The following ACER3 variants were observed in gnomAD, a reference collection of about 807,000 sequenced individuals.
ACER3 encodes the protein alkCDase 3.
ACER3 carries 16 observed loss-of-function variants against 48.9 expected under a neutral mutation model. The ratio of observed to expected loss-of-function variants is 0.33; its 90% CI spans 0.22 to 0.50. The LOEUF is 0.50. ACER3 is among the 20% of genes least tolerant of loss of function. ACER3 has a pLI of 0.98. For missense variants in ACER3, 227 were observed against 326.0 expected (o/e 0.70, Z 2.34); for synonymous variants, 109 against 107.8 (o/e 1.01, Z -0.07).
At chr11:76,894,812 GA>G (rs1331130601) in intron 1 of ACER3, among the ~76,000 whole-genome samples, 1 of 152,144 alleles carries the variant, frequency 6.6e-6, no homozygotes, top group Non-Finnish European at 1.5e-5. Flanking sequence ...TATAACAAAA[GA>G]AGGAAGAGGA....
chr11:76,921,295 T>G (rs534783247), intron 1 of ACER3, among the ~76,000 whole-genome samples: 51 of 152,316 alleles, frequency 3.3e-4, no homozygotes, highest in Admixed American at 7.8e-4. Context: ...ACCTCTGGAA[T>G]TTATTTTTAA....
chr11:77,006,484 T>C (rs1365931310), intron 7 of ACER3, among the ~76,000 whole-genome samples: 1 of 152,166 alleles, frequency 6.6e-6, no homozygotes, highest in Admixed American at 6.5e-5. Flanking sequence ...CCTTTCTGTT[T>C]AGAGAACTTC....
chr11:76,867,485 A>G (rs901431294), intron 1 of ACER3, among the ~76,000 whole-genome samples: 1 of 122,152 alleles, frequency 8.2e-6, no homozygotes, highest in East Asian at 2.5e-4. Context: ...AAAAAAAAAA[A>G]AAAAAAAAAA....
At chr11:77,012,158 G>A (rs1163809878) in intron 7 of ACER3, among the ~76,000 whole-genome samples, 1 of 152,108 alleles carries the variant, frequency 6.6e-6, no homozygotes, top group African/African-American at 2.4e-5. Flanking sequence ...GGTGGCTCAT[G>A]CATGAAATCC....
chr11:76,927,724 C>T (rs970958915), intron 2 of ACER3, among the ~76,000 whole-genome samples: 3 of 151,946 alleles, frequency 2.0e-5, no homozygotes, highest in African/African-American at 7.3e-5. Flanking sequence ...GTTTTTTGGC[C>T]TTGCGATAGT....
intron 1 of ACER3, among the ~76,000 whole-genome samples, chr11:76,915,080 C>CATG (rs1946488313): frequency 1.3e-5 from 2 of 151,968 alleles, no homozygotes; most frequent in African/African-American, 4.8e-5. Flanking sequence ...GGAGATATAC[C>CATG]TAATGTAAAT....
chr11:76,875,810 A>G (rs1192686155), intron 1 of ACER3, among the ~76,000 whole-genome samples: 1 of 128,138 alleles, frequency 7.8e-6, no homozygotes, highest in Admixed American at 1.1e-4. Context: ...ATCTCAGCTC[A>G]CTGCAACCTC....
rs1442416150 is a variant in ACER3 at position 77,017,650 on chromosome 11, C to G, written c.704+871C>G. On this transcript the variant is annotated intron_variant, in intron 9 of 10. Transcript: ENST00000532485. ...AACATTCATATGCAACCACAAAAGG[C>G]CACAGGTAGCCAGATCAATCTTGAA... is the stretch of plus-strand genomic sequence containing the variant. 2.0e-5 allele frequency among the ~76,000 whole-genome samples: 3 copies of G among 152,104 alleles called. No individual in the cohort carries two copies. The East Asian group carries it at 5.8e-4, about 29-fold the overall frequency.
chr11:76,994,972 G>A (rs1948883077), intron 6 of ACER3, among the ~76,000 whole-genome samples: 1 of 152,038 alleles, frequency 6.6e-6, no homozygotes, highest in African/African-American at 2.4e-5. Flanking sequence ...AGGGGCTGGA[G>A]GAAGGAAGTA....
At chr11:76,902,557 A>T (rs187016757) in intron 1 of ACER3, among the ~76,000 whole-genome samples, 6 of 152,314 alleles carry the variant, frequency 3.9e-5, no homozygotes, top group African/African-American at 1.4e-4. Flanking sequence ...AAAGTACAGT[A>T]CATATGAAGC....
intron 5 of ACER3, among the ~76,000 whole-genome samples, chr11:76,990,027 A>G (rs1410987459): frequency 6.6e-6 from 1 of 152,242 alleles, no homozygotes; most frequent in Non-Finnish European, 1.5e-5. Flanking sequence ...ACTGTATGCT[A>G]GACACTTTCA....
intron 2 of ACER3, among the ~76,000 whole-genome samples, chr11:76,956,670 A>G (rs1947849529): frequency 7.0e-6 from 1 of 142,708 alleles, no homozygotes; most frequent in Non-Finnish European, 1.5e-5. Context: ...AAGATGAACA[A>G]TCATCCCATC....
chr11:76,996,733 T>A (rs10899342), intron 6 of ACER3, among the ~76,000 whole-genome samples: 1 of 141,862 alleles, frequency 7.0e-6, no homozygotes, highest in Non-Finnish European at 1.5e-5. Flanking sequence ...TTTTTTTTTT[T>A]TTTTTTTTCT....
chr11:76,861,169 C>T (rs1944927976), intron 1 of ACER3, 90 bp downstream of exon 1: 2 of 1,295,120 alleles, frequency 1.5e-6, no homozygotes, highest in Admixed American at 4.4e-5. Flanking sequence ...AACCTGGCCG[C>T]GAAGGGAGGT....
At position 77,002,715 on chromosome 11, in the gene ACER3, A is replaced by G. The variant is rs989982198; in HGVS notation, c.497+3894A>G. Among the ~76,000 whole-genome samples the G allele has an allele frequency of 2.0e-5, 3 of 152,332 alleles. No individual in the cohort carries two copies. The South Asian group carries it at 6.2e-4, about 32-fold the overall frequency. On this transcript the variant is annotated intron_variant, in intron 7 of 10. Coordinates refer to ENST00000532485, the MANE Select transcript of ACER3 (RefSeq NM_018367.7). ...TTTGGTAGAATTCTCTAGTGAAACCATCTGGGCCTGGAAATCTGTTTTTTG... is the reference window on the plus strand; with the variant it reads ...TTTGGTAGAATTCTCTAGTGAAACCGTCTGGGCCTGGAAATCTGTTTTTTG...
At chr11:76,958,657 T>C (rs929006797) in intron 2 of ACER3, among the ~76,000 whole-genome samples, 1 of 152,222 alleles carries the variant, frequency 6.6e-6, no homozygotes, top group Non-Finnish European at 1.5e-5. Flanking sequence ...GGGTCAGAAG[T>C]GCAAAGGAGT....
At chr11:76,949,297 C>G (rs1417416257) in intron 2 of ACER3, among the ~76,000 whole-genome samples, 1 of 152,148 alleles carries the variant, frequency 6.6e-6, no homozygotes, top group Non-Finnish European at 1.5e-5. Flanking sequence ...TTAATTGTAT[C>G]TGTCTTCACT....
At chr11:77,014,398 G>A (rs143686482) in intron 7 of ACER3, among the ~76,000 whole-genome samples, 16 of 152,238 alleles carry the variant, frequency 1.1e-4, no homozygotes, top group African/African-American at 3.6e-4. Context: ...AATTCTTTGA[G>A]AACAAAAACT....
intron 1 of ACER3, among the ~76,000 whole-genome samples, chr11:76,902,805 A>T (rs1200535167): frequency 6.6e-6 from 1 of 152,356 alleles, no homozygotes; most frequent in East Asian, 1.9e-4. Context: ...TTTTAAGCAG[A>T]TGCTCGTGAG....
Sources: gnomAD v4.1 joint callset for allele counts (sites outside exome capture counted in the v4.1 genomes callset) on GRCh38, gnomAD v4.1.1 for gene constraint, MANE v1.5 for transcripts, NCBI Gene and HGNC (gene_info 2026-07-23, HGNC 2026-07-21) for gene names.